MYO3B: variants seen among roughly 807,000 people sequenced by gnomAD.
The protein encoded by MYO3B is myosin-IIIb.
Under a neutral mutation model 174.6 loss-of-function variants are expected in MYO3B, and 156 were observed. That is an observed-to-expected ratio of 0.89 (90% CI 0.78 to 1.02). MYO3B has a LOEUF of 1.02. Ranked by LOEUF, MYO3B falls within the 50% of genes least tolerant of loss-of-function variation. The pLI is 0.00. For synonymous variants in MYO3B, 563 were observed against 569.1 expected (o/e 0.99, Z 0.15); for missense variants, 1,632 against 1,639.4 (o/e 1.00, Z 0.08).
chr2:170,271,966 A>G (rs1325313569), intron 7 of MYO3B, among the ~76,000 whole-genome samples: 1 of 151,958 alleles, frequency 6.6e-6, no homozygotes, highest in Non-Finnish European at 1.5e-5. Context: ...AGCTCTTTGT[A>G]TCTAGTAAAC....
chr2:170,322,087 C>A (rs183628589), intron 7 of MYO3B, among the ~76,000 whole-genome samples: 2,111 of 147,536 alleles, frequency 0.014, 24 homozygotes, highest in Non-Finnish European at 0.023. Context: ...GTGCTCCAGC[C>A]TGGTGAAAGA....
rs61527598 is a variant in MYO3B at position 170,483,375 on chromosome 2, C to CTTTTTTTTTTTTTTTT, written c.3015-15203_3015-15188dup. On this transcript the variant is annotated intron_variant, in intron 25 of 34. Coordinates refer to ENST00000408978, the MANE Select transcript of MYO3B (RefSeq NM_138995.5). ...AATTAAAACTCCTTGCTTGGGGATT[C>CTTTTTTTTTTTTTTTT]TTTTTTTTTTTTTTTTTTTTTTTTT... Among the ~76,000 whole-genome samples, 13 of 62,104 alleles carry CTTTTTTTTTTTTTTTT rather than the reference C, an allele frequency of 2.1e-4. 1 individual carries two copies. Among genetic ancestry groups the CTTTTTTTTTTTTTTTT allele is most frequent in the Non-Finnish European group, 2.9e-4 (10 of 34,702 alleles). The allele number at this position is 62,104 out of a possible 152,430, so 40.7% of individuals were successfully genotyped here.
chr2:170,498,271 C>T (rs546148209), intron 25 of MYO3B, among the ~76,000 whole-genome samples: 46 of 152,198 alleles, frequency 3.0e-4, no homozygotes, highest in African/African-American at 1.1e-3. Context: ...GTATTACTTT[C>T]ACTAGGAGAG....
At chr2:170,499,875 T>G (rs1280263139) in intron 27 of MYO3B, 67 bp downstream of exon 27, 5 of 1,466,632 alleles carry the variant, frequency 3.4e-6, no homozygotes, top group Non-Finnish European at 4.7e-6. Flanking sequence ...TGGGGAATAC[T>G]CAACTGTTTC....
At chr2:170,261,108 C>G (rs951946612) in intron 7 of MYO3B, among the ~76,000 whole-genome samples, 2 of 152,182 alleles carry the variant, frequency 1.3e-5, no homozygotes, top group African/African-American at 4.8e-5. Flanking sequence ...ACCGCAAACT[C>G]CGCCTTCCGG....
intron 3 of MYO3B, among the ~76,000 whole-genome samples, chr2:170,204,421 C>T (rs143359636): frequency 6.6e-6 from 1 of 152,266 alleles, no homozygotes; most frequent in East Asian, 1.9e-4. Flanking sequence ...GCTACTTGAA[C>T]GTTGGAGCCT....
At chr2:170,609,578 A>G (rs1240204105) in intron 32 of MYO3B, among the ~76,000 whole-genome samples, 3 of 152,208 alleles carry the variant, frequency 2.0e-5, no homozygotes, top group Non-Finnish European at 4.4e-5. Context: ...ACCAGAAAAA[A>G]AATCTATCTC....
intron 32 of MYO3B, among the ~76,000 whole-genome samples, chr2:170,590,121 C>T (rs1171096983): frequency 1.3e-5 from 2 of 152,154 alleles, no homozygotes; most frequent in African/African-American, 4.8e-5. Flanking sequence ...CCTAACAACA[C>T]ATTTCTCAGA....
chr2:170,427,538 T>TGGCTCACGCCTGTAATCCCA, intron 22 of MYO3B, among the ~76,000 whole-genome samples: 2 of 152,060 alleles, frequency 1.3e-5, no homozygotes, highest in African/African-American at 4.8e-5. Context: ...GAAATGTGTG[T>TGGCTCACGCCTGTAATCCCA]GCATGGGTGT....
intron 6 of MYO3B, among the ~76,000 whole-genome samples, chr2:170,217,642 A>G (rs2092845379): frequency 6.6e-6 from 1 of 152,178 alleles, no homozygotes; most frequent in Non-Finnish European, 1.5e-5. Context: ...CCTCCAGAAG[A>G]TGCAGCCCCC....
intron 25 of MYO3B, among the ~76,000 whole-genome samples, chr2:170,471,414 T>A (rs1684968708): frequency 6.6e-6 from 1 of 152,196 alleles, no homozygotes; most frequent in Non-Finnish European, 1.5e-5. Context: ...AAGTTCAATT[T>A]ATGTATGTTT....
In MYO3B at chr2:170,378,332, A is replaced by T. The variant is rs142660775; in HGVS notation, c.972-3684A>T. Among the ~76,000 whole-genome samples, 106 of 152,158 alleles carry T rather than the reference A, an allele frequency of 7.0e-4. No homozygotes were observed. In the South Asian group the frequency reaches 9.0e-3, roughly 13 times the overall value. On this transcript the variant is annotated intron_variant, in intron 9 of 34. Coordinates refer to ENST00000408978, the MANE Select transcript of MYO3B (RefSeq NM_138995.5). ...CAGAAATAGTGCTACACATATATATATTTTTTCTGGTTGAGAAAACGAAGT... is the reference window on the plus strand; with the variant it reads ...CAGAAATAGTGCTACACATATATATTTTTTTTCTGGTTGAGAAAACGAAGT...
At chr2:170,408,574 G>T (rs114395065) in intron 22 of MYO3B, 1 of 152,090 alleles carries the variant, frequency 6.6e-6, no homozygotes, top group Non-Finnish European at 1.5e-5. Context: ...TACTCTCAAG[G>T]GCTTTGTGTT....
At chr2:170,638,031 T>C (rs994132290) in intron 32 of MYO3B, among the ~76,000 whole-genome samples, 10 of 152,250 alleles carry the variant, frequency 6.6e-5, no homozygotes, top group African/African-American at 2.2e-4. Flanking sequence ...AAATTATATT[T>C]GTGATTTTAT....
chr2:170,329,549 T>A (rs974028826), intron 7 of MYO3B, among the ~76,000 whole-genome samples: 1 of 148,968 alleles, frequency 6.7e-6, no homozygotes, highest in East Asian at 1.9e-4. Context: ...CCTGGCTGAT[T>A]TTTGTATTTT....
At chr2:170,400,400 T>G in intron 17 of MYO3B, 86 bp downstream of exon 17, 10 of 1,272,078 alleles carry the variant, frequency 7.9e-6, no homozygotes, top group East Asian at 2.6e-5. Flanking sequence ...CATTTGCTGG[T>G]CCTTTTTTTT....
intron 22 of MYO3B, among the ~76,000 whole-genome samples, chr2:170,419,779 G>A (rs1353646730): frequency 1.3e-5 from 2 of 152,144 alleles, no homozygotes; most frequent in South Asian, 4.1e-4. Flanking sequence ...GCCTAGAGAA[G>A]GTGAGCGGAG....
intron 8 of MYO3B, among the ~76,000 whole-genome samples, chr2:170,336,332 G>C (rs1187146712): frequency 6.6e-6 from 1 of 151,976 alleles, no homozygotes; most frequent in African/African-American, 2.4e-5. Flanking sequence ...TAAATAAGAA[G>C]TGGGGAAGGG....
At chr2:170,626,957 C>T (rs1228866315) in intron 32 of MYO3B, among the ~76,000 whole-genome samples, 1 of 152,128 alleles carries the variant, frequency 6.6e-6, no homozygotes, top group Non-Finnish European at 1.5e-5. Context: ...GTAACCCGAC[C>T]TTTCTCTCTG....
Sources: allele counts gnomAD v4.1 joint callset (sites outside exome capture counted in the v4.1 genomes callset), GRCh38; gene constraint gnomAD v4.1.1; transcripts MANE v1.5; gene names NCBI Gene and HGNC (gene_info 2026-07-23, HGNC 2026-07-21).